Variants in CES1 observed in about 807,000 individuals in gnomAD.
CES1 encodes carboxylesterase 1, also known as liver carboxylesterase 1.
Under a neutral mutation model 53.0 loss-of-function variants are expected in CES1, and 50 were observed. That is an observed-to-expected ratio of 0.94 (90% CI 0.75 to 1.19). The LOEUF is 1.19. Ranked by LOEUF, CES1 falls within the 50% of genes most tolerant of loss-of-function variation. The probability of loss-of-function intolerance (pLI) is 0.00; values close to 1 mark genes in which losing one functional copy is unlikely to be tolerated. For synonymous variants in CES1, 202 were observed against 210.1 expected (o/e 0.96, Z 0.33); for missense variants, 534 against 538.0 (o/e 0.99, Z 0.07).
chr16:55,831,641 T>C (rs1486346934), intron 1 of CES1, among the ~76,000 whole-genome samples: 14 of 149,768 alleles, frequency 9.3e-5, no homozygotes, highest in African/African-American at 3.4e-4. Flanking sequence ...AGGAAGGAAA[T>C]GGATGGCATT....
At chr16:55,808,571 G>T (rs1372854167) in intron 11 of CES1, among the ~76,000 whole-genome samples, 15 of 152,166 alleles carry the variant, frequency 9.9e-5, no homozygotes, top group African/African-American at 3.6e-4. Flanking sequence ...TACAATATTT[G>T]CCCAAAGTTC....
At chr16:55,832,407 A>C (rs1189857818) in intron 1 of CES1, among the ~76,000 whole-genome samples, 1 of 152,232 alleles carries the variant, frequency 6.6e-6, no homozygotes, top group African/African-American at 2.4e-5. Context: ...GTTTTTAAAC[A>C]GCGCCTTTAT....
chr16:55,827,136 C>G (rs1321184734), intron 2 of CES1, among the ~76,000 whole-genome samples: 1 of 152,030 alleles, frequency 6.6e-6, no homozygotes, highest in Non-Finnish European at 1.5e-5. Flanking sequence ...ATCACCGCCC[C>G]CACTAGGTAC....
At chr16:55,820,784 C>T (rs1348739135) in intron 5 of CES1, among the ~76,000 whole-genome samples, 5 of 152,060 alleles carry the variant, frequency 3.3e-5, no homozygotes, top group Admixed American at 6.6e-5. Context: ...TCCCTATCCG[C>T]GGCTCCATCC....
intron 9 of CES1, among the ~76,000 whole-genome samples, chr16:55,811,940 G>A (rs1421273685): frequency 1.3e-5 from 2 of 152,182 alleles, no homozygotes; most frequent in Non-Finnish European, 2.9e-5. Context: ...CTAAAGATAA[G>A]AGGAGTTTGT....
chr16:55,812,852 G>C, intron 9 of CES1, 51 bp downstream of exon 9: 1 of 1,612,216 alleles, frequency 6.2e-7, no homozygotes, highest in Non-Finnish European at 8.5e-7. Flanking sequence ...CCAGAGACAG[G>C]AGGGCTGATG....
chr16:55,812,516 G>T (rs539227713), intron 9 of CES1: 20 of 327,378 alleles, frequency 6.1e-5, no homozygotes, highest in African/African-American at 3.6e-4. Flanking sequence ...ATTTTCAGGG[G>T]AATTACGCAC....
intron 3 of CES1, among the ~76,000 whole-genome samples, chr16:55,824,557 A>G (rs1318716240): frequency 1.3e-5 from 2 of 152,244 alleles, no homozygotes; most frequent in East Asian, 3.8e-4. Context: ...GAGGCACTTA[A>G]CCTGCCCAAG....
At chr16:55,817,778 C>T (rs1420101913) in intron 7 of CES1, among the ~76,000 whole-genome samples, 1 of 151,408 alleles carries the variant, frequency 6.6e-6, no homozygotes, top group Non-Finnish European at 1.5e-5. Flanking sequence ...GTGTGTTTGT[C>T]TGTGTGTCTG....
chr16:55,828,492 C>G (rs1399797480), intron 2 of CES1, among the ~76,000 whole-genome samples: 1 of 152,148 alleles, frequency 6.6e-6, no homozygotes, highest in Non-Finnish European at 1.5e-5. Context: ...ATCTGTCTCC[C>G]CCTGCTAGAA....
intron 7 of CES1, 136 bp from the exon 8 acceptor site, chr16:55,817,098 G>T (rs1458231428): frequency 5.3e-6 from 5 of 949,250 alleles, no homozygotes; most frequent in African/African-American, 4.9e-5. Flanking sequence ...GACCTGCGGT[G>T]CTCCATCTCC....
chr16:55,811,145 T>C, intron 9 of CES1, 135 bp from the exon 10 acceptor site: 1 of 718,446 alleles, frequency 1.4e-6, no homozygotes, highest in Non-Finnish European at 2.4e-6. Flanking sequence ...GAGTCTTTAC[T>C]GAAATGGGTG....
chr16:55,810,541 C>G lies in CES1; in HGVS notation c.1294G>C (p.Val432Leu), dbSNP rs1452245591. 6.2e-7 allele frequency: 1 copy of G among 1,614,202 alleles called. No homozygotes were observed. The highest frequency in any genetic ancestry group is 8.5e-7 in the Non-Finnish European group (1 of 1,180,042). Residue 432 changes from valine to leucine, a missense_variant, in exon 11 of 14, where the codon GTG (valine) becomes CTG (leucine). Transcript: ENST00000360526. The part of the protein sequence containing the change: ...IADVMFGVPS[V>L]IVARNHRDAG... ...CCTCTGTGGTTCCGGGCCACAATCA[C>G]AGATGGGACACCAAACATCACATCT...
intron 9 of CES1, among the ~76,000 whole-genome samples, 162 bp from the exon 10 acceptor site, chr16:55,811,172 T>TG (rs111494334): frequency 0.62 from 92,294 of 148,186 alleles, 30,851 homozygotes; most frequent in Non-Finnish European, 0.76. Context: ...ATGAATCAAA[T>TG]GGGCTTATAT....
Position 55,811,019 on chromosome 16 carries a change from A to AAG in CES1, c.1087-10_1087-9insCT. 1 of 1,606,896 alleles carries AAG rather than the reference A, an allele frequency of 6.2e-7. No individual in the cohort carries two copies. Among genetic ancestry groups the AAG allele is most frequent in the Non-Finnish European group, 8.5e-7 (1 of 1,173,984 alleles). On this transcript the variant is annotated splice_polypyrimidine_tract_variant and intron_variant, in intron 9 of 13. Coordinates refer to ENST00000360526, the MANE Select transcript of CES1 (RefSeq NM_001025195.2). ...GGATAGCTCATCAACTGCTAAAAAAAAAAAAAAGTTCAGCATTTATGAATC... is the reference window on the plus strand; with the variant it reads ...GGATAGCTCATCAACTGCTAAAAAAAAGAAAAAAAGTTCAGCATTTATGAATC...
chr16:55,832,914 T>C (rs1238703252), intron 1 of CES1, 90 bp downstream of exon 1: 7 of 1,156,586 alleles, frequency 6.1e-6, no homozygotes, highest in African/African-American at 1.5e-5. Context: ...GGACCTGTTG[T>C]GTCTTTGCCT....
chr16:55,814,016 C>T (rs1387637117), intron 8 of CES1, among the ~76,000 whole-genome samples: 1 of 152,158 alleles, frequency 6.6e-6, no homozygotes, highest in African/African-American at 2.4e-5. Context: ...GTTATAAGGA[C>T]ATTTTAGCAA....
At chr16:55,823,251 G>A (rs2032276777) in intron 4 of CES1, among the ~76,000 whole-genome samples, 1 of 152,074 alleles carries the variant, frequency 6.6e-6, no homozygotes, top group South Asian at 2.1e-4. Context: ...AGAAACATAG[G>A]TGAAGAGGAG....
intron 1 of CES1, among the ~76,000 whole-genome samples, chr16:55,829,251 C>T (rs1350315631): frequency 6.6e-6 from 1 of 152,208 alleles, no homozygotes; most frequent in African/African-American, 2.4e-5. Context: ...CATTTAGCTT[C>T]CCCCTTAGAA....
Sources: gnomAD v4.1 joint callset for allele counts (sites outside exome capture counted in the v4.1 genomes callset) on GRCh38, gnomAD v4.1.1 for gene constraint, MANE v1.5 for transcripts, NCBI Gene and HGNC (gene_info 2026-07-23, HGNC 2026-07-21) for gene names.